Variants in PAPPA observed in about 807,000 individuals in gnomAD.
The protein encoded by PAPPA is pappalysin-1.
In PAPPA, 60 loss-of-function variants were observed where a neutral mutation model predicts 164.0. That is an observed-to-expected ratio of 0.37 (90% CI 0.30 to 0.45). PAPPA has a LOEUF of 0.45. Ranked by LOEUF, PAPPA falls within the 20% of genes least tolerant of loss-of-function variation. PAPPA has a pLI of 1.00. For synonymous variants in PAPPA, 875 were observed against 814.1 expected, an observed-to-expected ratio of 1.07 and a Z score of -1.27; for missense variants, 1,782 against 2,087.3, an observed-to-expected ratio of 0.85 and a Z score of 2.85.
rs1464443518 is a variant in PAPPA, at chr9:116,271,904, T to C, written c.2953+488T>C. Among the ~76,000 whole-genome samples, 1 of 152,242 alleles carries C rather than the reference T, an allele frequency of 6.6e-6. No individual in the cohort carries two copies. Among genetic ancestry groups the C allele is most frequent in the African/African-American group, 2.4e-5 (1 of 41,468 alleles). On this transcript the variant is annotated intron_variant, in intron 9 of 21. Coordinates refer to ENST00000328252, the MANE Select transcript of PAPPA (RefSeq NM_002581.5). This position sits in a 1 kb window ranked among gnomAD's most constrained non-coding sequence, Gnocchi z 4.2. Reference sequence around the variant, plus strand: ...TCTCAAGCACGTGCTCAACTCATTTTGCTTTGCAACCTCCAGCCGTGATGC... The same window carrying C: ...TCTCAAGCACGTGCTCAACTCATTTCGCTTTGCAACCTCCAGCCGTGATGC...
intron 2 of PAPPA, 106 bp downstream of exon 2, chr9:116,188,322 G>A: frequency 1.3e-6 from 1 of 790,388 alleles, no homozygotes; most frequent in East Asian, 2.7e-5. Flanking sequence ...GGATTTTCTG[G>A]TTCAACCAGC....
At chr9:116,303,659 C>T (rs566575365) in intron 10 of PAPPA, among the ~76,000 whole-genome samples, 1 of 152,302 alleles carries the variant, frequency 6.6e-6, no homozygotes, top group South Asian at 2.1e-4. Flanking sequence ...AGAGACACGA[C>T]TCAGTGCTTC....
chr9:116,154,673 C>G lies in PAPPA; in HGVS notation c.415+86C>G, dbSNP rs1843579847. On this transcript the variant is annotated intron_variant, in intron 1 of 21. Coordinates refer to ENST00000328252, the MANE Select transcript of PAPPA (RefSeq NM_002581.5). This position sits in a 1 kb window ranked among gnomAD's most constrained non-coding sequence, Gnocchi z 5.2. ...GTCTGGGCGCGGGTGGCGGGCGGGTCGGGGGCTTGCGGGCGTGTCTGTGCG... is the reference window on the plus strand; with the variant it reads ...GTCTGGGCGCGGGTGGCGGGCGGGTGGGGGGCTTGCGGGCGTGTCTGTGCG... 5 of 1,237,152 alleles carry G rather than the reference C, an allele frequency of 4.0e-6. No individual in the cohort carries two copies. In the East Asian group the frequency reaches 1.6e-4, roughly 40 times the overall value. The allele number at this position is 1,237,152 out of a possible 1,614,324, so 76.6% of individuals were successfully genotyped here. A position where few individuals can be genotyped will look rare whatever the true frequency, so the allele number is the denominator to read the frequency against.
At chr9:116,174,601 C>G (rs1282815683) in intron 1 of PAPPA, among the ~76,000 whole-genome samples, 3 of 152,134 alleles carry the variant, frequency 2.0e-5, no homozygotes, top group African/African-American at 7.2e-5. Context: ...AGGCTGATGA[C>G]TCACCTGTTA....
chr9:116,175,106 T>C (rs1843817492), intron 1 of PAPPA, among the ~76,000 whole-genome samples: 1 of 152,208 alleles, frequency 6.6e-6, no homozygotes, highest in South Asian at 2.1e-4. Flanking sequence ...CCTTTCACTA[T>C]TTATACATTC....
chr9:116,366,855 T>C (rs1293028435), intron 18 of PAPPA, among the ~76,000 whole-genome samples: 1 of 152,078 alleles, frequency 6.6e-6, no homozygotes, highest in African/African-American at 2.4e-5. Context: ...TGGCTTGGGA[T>C]TGAGGTCTGT....
chr9:116,285,883 T>C (rs1845332569), intron 9 of PAPPA: 1 of 152,220 alleles, frequency 6.6e-6, no homozygotes, highest in South Asian at 2.1e-4. Context: ...TGAGCTTTGC[T>C]GGTCTTTAGA....
At chr9:116,314,332 G>C (rs1845761101) in intron 10 of PAPPA, among the ~76,000 whole-genome samples, 1 of 152,006 alleles carries the variant, frequency 6.6e-6, no homozygotes, top group African/African-American at 2.4e-5. Flanking sequence ...GCCTCCCAAA[G>C]TGCTGGGATT....
intron 10 of PAPPA, among the ~76,000 whole-genome samples, chr9:116,310,477 A>T (rs1344307163): frequency 1.8e-4 from 28 of 152,188 alleles, no homozygotes; most frequent in Admixed American, 1.8e-3. Context: ...GCACCAAAAA[A>T]ATCCCTCCAG....
intron 10 of PAPPA, among the ~76,000 whole-genome samples, chr9:116,311,682 C>T (rs7029436): frequency 2.6e-5 from 4 of 152,138 alleles, no homozygotes; most frequent in African/African-American, 9.7e-5. Flanking sequence ...TCACATGATC[C>T]TGCTGTCATT....
chr9:116,208,125 A>G (rs770352215), intron 3 of PAPPA, among the ~76,000 whole-genome samples: 1 of 152,234 alleles, frequency 6.6e-6, no homozygotes, highest in Non-Finnish European at 1.5e-5. Flanking sequence ...CTCTTCTTAC[A>G]TTCAAATTAT....
rs1844642762 is a variant in PAPPA at position 116,235,018 on chromosome 9, C to T, written c.2234-121C>T. On this transcript the variant is annotated intron_variant, in intron 6 of 21. Transcript: ENST00000328252. ...TCACCAAGGCACCAAGAACCTTCCT[C>T]TCCTTTTCCCCTCTGTCTAAGTTCT... is the stretch of plus-strand genomic sequence containing the variant. The T allele has an allele frequency of 7.3e-6, 8 of 1,090,302 alleles. 1 individual carries two copies. The South Asian group carries it at 1.2e-4, about 16-fold the overall frequency. The allele number at this position is 1,090,302 out of a possible 1,614,324, so 67.5% of individuals were successfully genotyped here.
chr9:116,386,926 C>T (rs573387158), intron 21 of PAPPA, among the ~76,000 whole-genome samples: 4 of 152,244 alleles, frequency 2.6e-5, no homozygotes, highest in Non-Finnish European at 5.9e-5. Context: ...TTCCATCTTC[C>T]ACCGCAGGAA....
chr9:116,181,018 C>A (rs75896418), intron 1 of PAPPA, among the ~76,000 whole-genome samples: 45 of 152,324 alleles, frequency 3.0e-4, no homozygotes, highest in African/African-American at 1.1e-3. Flanking sequence ...GTGATGAACA[C>A]ACCACCAATT....
chr9:116,226,545 G>A (rs984218976), intron 5 of PAPPA, among the ~76,000 whole-genome samples: 11 of 152,168 alleles, frequency 7.2e-5, no homozygotes, highest in Admixed American at 4.6e-4. Context: ...ATTTCTCGAC[G>A]TCTTCCCGAG....
At chr9:116,326,756 C>G (rs1845925555) in intron 10 of PAPPA, among the ~76,000 whole-genome samples, 1 of 152,194 alleles carries the variant, frequency 6.6e-6, no homozygotes, top group Non-Finnish European at 1.5e-5. Flanking sequence ...TCCCCATCCC[C>G]TAGCAACCAC....
intron 7 of PAPPA, among the ~76,000 whole-genome samples, chr9:116,257,619 G>A (rs760108070): frequency 2.6e-5 from 4 of 151,874 alleles, no homozygotes; most frequent in African/African-American, 4.8e-5. Context: ...GGAGAATGGC[G>A]TGAACCCCAG....
chr9:116,346,458 GA>G (rs1284976301), intron 14 of PAPPA, among the ~76,000 whole-genome samples: 1 of 152,134 alleles, frequency 6.6e-6, no homozygotes, highest in Non-Finnish European at 1.5e-5. Flanking sequence ...CTCAAGTAAG[GA>G]AAAGGGACTT....
At chr9:116,356,800 G>A (rs1205207028) in intron 17 of PAPPA, among the ~76,000 whole-genome samples, 2 of 152,160 alleles carry the variant, frequency 1.3e-5, no homozygotes, top group African/African-American at 2.4e-5. Context: ...AATGCCTCCA[G>A]CTGTGTTCTT....
Sources: gnomAD v4.1 joint callset for allele counts (sites outside exome capture counted in the v4.1 genomes callset) on GRCh38, gnomAD v4.1.1 for gene constraint, Gnocchi (gnomAD v3.1) non-coding constraint, MANE v1.5 for transcripts, NCBI Gene and HGNC (gene_info 2026-07-23, HGNC 2026-07-21) for gene names.